The following CAMTA1 variants were observed in gnomAD, a reference collection of about 807,000 sequenced individuals.
The protein encoded by CAMTA1 is calmodulin binding transcription activator 1.
In CAMTA1, 27 loss-of-function variants were observed where a neutral mutation model predicts 170.9. The ratio of observed to expected loss-of-function variants is 0.16; its 90% CI spans 0.12 to 0.22. The LOEUF is 0.22. Ranked by LOEUF, CAMTA1 falls within the 10% of genes least tolerant of loss-of-function variation. CAMTA1 has a pLI of 1.00. For missense variants in CAMTA1, 1,619 were observed against 2,217.2 expected (o/e 0.73, Z 5.42); for synonymous variants, 833 against 891.5 (o/e 0.93, Z 1.17).
At chr1:7,499,320 A>G (rs1327754736) in intron 6 of CAMTA1, among the ~76,000 whole-genome samples, 2 of 51,306 alleles carry the variant, frequency 3.9e-5, no homozygotes, top group African/African-American at 9.2e-5. Flanking sequence ...GTGTGTGTGC[A>G]TGTGTGTACA....
At chr1:7,102,623 CTT>C (rs959210913) in intron 4 of CAMTA1, among the ~76,000 whole-genome samples, 2 of 152,162 alleles carry the variant, frequency 1.3e-5, no homozygotes. Flanking sequence ...AGATGAGACA[CTT>C]TTGCTTCTCC....
At chr1:6,933,771 A>G (rs1684839742) in intron 3 of CAMTA1, among the ~76,000 whole-genome samples, 1 of 151,604 alleles carries the variant, frequency 6.6e-6, no homozygotes, top group South Asian at 2.1e-4. Context: ...GTAAGAAATC[A>G]TTTATCCATA....
At chr1:6,818,627 T>G (rs562357779) in intron 1 of CAMTA1, among the ~76,000 whole-genome samples, 9 of 152,090 alleles carry the variant, frequency 5.9e-5, no homozygotes, top group African/African-American at 2.4e-5. Context: ...ACTGAACTCT[T>G]TATATTTTAT....
intron 3 of CAMTA1, among the ~76,000 whole-genome samples, chr1:6,951,188 A>C (rs1008857440): frequency 6.6e-6 from 1 of 152,194 alleles, no homozygotes; most frequent in Non-Finnish European, 1.5e-5. Context: ...GAAAAGGATA[A>C]AAACTCACAG....
intron 1 of CAMTA1, among the ~76,000 whole-genome samples, chr1:6,815,736 C>G (rs1427806038): frequency 1.3e-5 from 2 of 152,140 alleles, no homozygotes; most frequent in South Asian, 2.1e-4. Context: ...GTTTGATCAT[C>G]TGGTTTCTGA....
chr1:7,385,603 G>A (rs1211177391), intron 5 of CAMTA1, among the ~76,000 whole-genome samples: 3 of 152,190 alleles, frequency 2.0e-5, no homozygotes, highest in African/African-American at 7.2e-5. Flanking sequence ...GGGGGGAAGA[G>A]TGCTGCCTGG....
chr1:7,311,387 C>T (rs535185958), intron 5 of CAMTA1, among the ~76,000 whole-genome samples: 13 of 152,270 alleles, frequency 8.5e-5, no homozygotes, highest in Non-Finnish European at 1.3e-4. Context: ...CTCTGTAGCC[C>T]ACTCAGTGAG....
intron 11 of CAMTA1, among the ~76,000 whole-genome samples, chr1:7,716,755 C>G (rs574332986): frequency 6.6e-6 from 1 of 152,272 alleles, no homozygotes; most frequent in South Asian, 2.1e-4. Flanking sequence ...GAGGATCCAG[C>G]AATCCCACCA....
rs183014691 is a variant in CAMTA1, at chr1:7,083,586, C to T, written c.235-7718C>T. Among the ~76,000 whole-genome samples, 148 of 152,242 alleles carry T rather than the reference C, an allele frequency of 9.7e-4. 1 individual carries two copies. The highest frequency in any genetic ancestry group is 3.3e-3 in the African/African-American group (137 of 41,550). On this transcript the variant is annotated intron_variant, in intron 3 of 22. Transcript: ENST00000303635. ...GGACTATTTATCATGGGGGAGGGCC[C>T]GTCGGCTTCATGCACAGGTGCCCTG...
chr1:7,548,901 G>T (rs1409916324), intron 6 of CAMTA1, among the ~76,000 whole-genome samples: 1 of 126,180 alleles, frequency 7.9e-6, no homozygotes, highest in Non-Finnish European at 1.7e-5. Context: ...GGGTGGAAGT[G>T]CCCATGCAGG....
intron 5 of CAMTA1, among the ~76,000 whole-genome samples, chr1:7,405,945 G>A (rs2090252904): frequency 6.6e-6 from 1 of 152,200 alleles, no homozygotes; most frequent in African/African-American, 2.4e-5. Flanking sequence ...GGGATTTGGG[G>A]GATTTTGCTG....
Position 7,657,448 on chromosome 1 carries a change from G to T in CAMTA1, c.665-4278G>T, listed in dbSNP as rs80217788. ...AGCCACCAGGACATTACCTTTCTGG[G>T]AATTCCTCTTTCTGTGCCTCCTCCC... On this transcript the variant is annotated intron_variant, in intron 7 of 22. Transcript: ENST00000303635. Among the ~76,000 whole-genome samples the T allele has an allele frequency of 6.6e-3, 1,012 of 152,292 alleles. 13 individuals are homozygous for T. The highest frequency in any genetic ancestry group is 0.022 in the African/African-American group (934 of 41,546).
chr1:7,747,798 C>T lies in CAMTA1; in HGVS notation c.4689+17C>T, dbSNP rs2096866944. 10 of 1,593,214 alleles carry T rather than the reference C, an allele frequency of 6.3e-6. No homozygotes were observed. The highest frequency in any genetic ancestry group is 1.1e-5 in the South Asian group (1 of 89,280). ...TATAAACAGGTAAACCTCAGTTTTG[C>T]ACCACAGAAGGAAACTGTGCCCCAC... On this transcript the variant is annotated intron_variant, in intron 19 of 22. Coordinates refer to ENST00000303635, the MANE Select transcript of CAMTA1 (RefSeq NM_015215.4).
At chr1:7,153,888 G>A (rs1312767460) in intron 4 of CAMTA1, among the ~76,000 whole-genome samples, 2 of 152,210 alleles carry the variant, frequency 1.3e-5, no homozygotes, top group African/African-American at 4.8e-5. Flanking sequence ...AGGCTGCATG[G>A]TGACACCAAA....
intron 6 of CAMTA1, among the ~76,000 whole-genome samples, chr1:7,528,991 A>T (rs1474224634): frequency 6.6e-6 from 1 of 151,992 alleles, no homozygotes; most frequent in Non-Finnish European, 1.5e-5. Flanking sequence ...GTAACTAGTC[A>T]TGCCAGTAAC....
At chr1:7,427,815 C>T (rs2091942175) in intron 5 of CAMTA1, among the ~76,000 whole-genome samples, 1 of 152,224 alleles carries the variant, frequency 6.6e-6, no homozygotes, top group Non-Finnish European at 1.5e-5. Flanking sequence ...CCCCTGAGCA[C>T]TCAGCCCCTC....
intron 5 of CAMTA1, 110 bp from the exon 6 acceptor site, chr1:7,467,720 C>T: frequency 1.0e-6 from 1 of 993,754 alleles, no homozygotes. Context: ...TCTCCCTGGG[C>T]CGCTGCCAGG....
chr1:7,292,023 TTTATA>T (rs1209870374), intron 5 of CAMTA1, among the ~76,000 whole-genome samples: 2 of 152,166 alleles, frequency 1.3e-5, no homozygotes, highest in Non-Finnish European at 2.9e-5. Context: ...TACTCTGACG[TTTATA>T]TTGAATATTT....
intron 8 of CAMTA1, 23 bp from the exon 9 acceptor site, chr1:7,663,330 G>C (rs372241154): frequency 6.6e-7 from 1 of 1,517,510 alleles, no homozygotes; most frequent in Non-Finnish European, 8.8e-7. Flanking sequence ...GTGCGTGCGC[G>C]TGTTGTGTTC....
Sources: gnomAD v4.1 joint callset for allele counts (sites outside exome capture counted in the v4.1 genomes callset) on GRCh38, gnomAD v4.1.1 for gene constraint, MANE v1.5 for transcripts, NCBI Gene and HGNC (gene_info 2026-07-23, HGNC 2026-07-21) for gene names.